NUBPL: variants seen among roughly 807,000 people sequenced by gnomAD.
The protein encoded by NUBPL is iron-sulfur cluster transfer protein NUBPL.
Under a neutral mutation model 45.7 loss-of-function variants are expected in NUBPL, and 31 were observed. That is an observed-to-expected ratio of 0.68 (90% CI 0.51 to 0.92). The LOEUF is 0.92. Among genes scored for constraint, NUBPL ranks in the 40% least tolerant of loss-of-function variants. The pLI, the probability that NUBPL is intolerant of heterozygous loss-of-function variation, is 0.00. For synonymous variants in NUBPL, 144 were observed against 140.9 expected (o/e 1.02, Z -0.15); for missense variants, 401 against 398.7 (o/e 1.01, Z -0.05).
intron 6 of NUBPL, among the ~76,000 whole-genome samples, chr14:31,772,203 T>C (rs987708581): frequency 6.6e-6 from 1 of 152,238 alleles, no homozygotes; most frequent in Admixed American, 6.5e-5. Flanking sequence ...TTATAAGCTA[T>C]TCCAAATTAG....
In NUBPL at chr14:31,680,077, A is replaced by G. The variant is rs191966420; in HGVS notation, c.513+6503A>G. 8.6e-3 allele frequency among the ~76,000 whole-genome samples: 1,302 copies of G among 152,230 alleles called. 19 individuals carry two copies. Among genetic ancestry groups the G allele is most frequent in the African/African-American group, 0.03 (1,244 of 41,558 alleles). ...AGAAACATATACTACTGATTTTTGT[A>G]CATTAACCTTGAATCCTGTGACTTT... is the stretch of plus-strand genomic sequence containing the variant. On this transcript the variant is annotated intron_variant, in intron 6 of 10. Coordinates refer to ENST00000281081, the MANE Select transcript of NUBPL (RefSeq NM_025152.3).
chr14:31,720,436 G>T (rs1319410056), intron 6 of NUBPL, among the ~76,000 whole-genome samples: 1 of 152,156 alleles, frequency 6.6e-6, no homozygotes, highest in Non-Finnish European at 1.5e-5. Flanking sequence ...CATTTGCCTG[G>T]TTTTCAAGGA....
chr14:31,825,738 C>T (rs1264504888), intron 7 of NUBPL, among the ~76,000 whole-genome samples: 2 of 149,526 alleles, frequency 1.3e-5, no homozygotes, highest in Non-Finnish European at 3.0e-5. Flanking sequence ...TCATCTTCTT[C>T]ATTGTCATCT....
At chr14:31,696,082 C>T (rs568980768) in intron 6 of NUBPL, among the ~76,000 whole-genome samples, 9 of 152,294 alleles carry the variant, frequency 5.9e-5, no homozygotes, top group African/African-American at 2.2e-4. Context: ...ACTGATATTT[C>T]ACTGCTTGTG....
intron 7 of NUBPL, among the ~76,000 whole-genome samples, chr14:31,816,153 C>A (rs926895063): frequency 4.6e-5 from 7 of 152,162 alleles, no homozygotes; most frequent in African/African-American, 1.7e-4. Context: ...AGCTGTGAAT[C>A]CATCTGATCC....
chr14:31,583,379 G>A (rs1188535392), intron 3 of NUBPL, among the ~76,000 whole-genome samples: 1 of 152,128 alleles, frequency 6.6e-6, no homozygotes, highest in Non-Finnish European at 1.5e-5. Context: ...TGTAAAGCAC[G>A]TTTATTAACT....
intron 4 of NUBPL, among the ~76,000 whole-genome samples, chr14:31,647,543 G>T (rs1214536778): frequency 4.6e-5 from 7 of 152,212 alleles, no homozygotes; most frequent in African/African-American, 7.2e-5. Context: ...CTGGCTAGGG[G>T]TTTGTGCACA....
At chr14:31,689,953 T>C (rs2139858952) in intron 6 of NUBPL, among the ~76,000 whole-genome samples, 1 of 151,478 alleles carries the variant, frequency 6.6e-6, no homozygotes, top group Admixed American at 6.6e-5. Flanking sequence ...TTGTCAGCAT[T>C]GTTAAAGATC....
chr14:31,638,006 G>A lies in NUBPL; in HGVS notation c.383-35349G>A, dbSNP rs574555271. 1.8e-4 allele frequency among the ~76,000 whole-genome samples: 27 copies of A among 152,224 alleles called. 1 individual carries two copies. The highest frequency in any genetic ancestry group is 5.8e-4 in the African/African-American group (24 of 41,520). ...TCTCTGCACGTGAGATGGATTTCCT[G>A]AATACAGCACACGGATGGGTCTTGA... On this transcript the variant is annotated intron_variant, in intron 4 of 10. Coordinates refer to ENST00000281081, the MANE Select transcript of NUBPL (RefSeq NM_025152.3).
intron 6 of NUBPL, among the ~76,000 whole-genome samples, chr14:31,687,887 A>G (rs1053026751): frequency 6.6e-6 from 1 of 152,178 alleles, no homozygotes; most frequent in Non-Finnish European, 1.5e-5. Flanking sequence ...GTTGCTTGCC[A>G]TTTCAAGATA....
chr14:31,667,509 T>G (rs1410382774), intron 4 of NUBPL, among the ~76,000 whole-genome samples: 1 of 152,030 alleles, frequency 6.6e-6, no homozygotes. Context: ...CTCCTTTAGC[T>G]CAAAGGAGTT....
chr14:31,567,772 C>G (rs555254304), intron 3 of NUBPL, among the ~76,000 whole-genome samples: 1 of 152,308 alleles, frequency 6.6e-6, no homozygotes, highest in African/African-American at 2.4e-5. Context: ...TGTTGACCAG[C>G]AGAATCAGCT....
intron 10 of NUBPL, among the ~76,000 whole-genome samples, chr14:31,856,700 C>A (rs2184304): frequency 0.19 from 29,441 of 152,204 alleles, 8,649 homozygotes; most frequent in African/African-American, 0.64. Flanking sequence ...TGCAAGTCTG[C>A]AATCTGGTGG....
intron 3 of NUBPL, among the ~76,000 whole-genome samples, chr14:31,590,292 C>T (rs1371669677): frequency 3.3e-5 from 5 of 152,104 alleles, no homozygotes; most frequent in Non-Finnish European, 2.9e-5. Context: ...TCTAACTTGG[C>T]TTTCACTAAT....
chr14:31,678,760 T>C (rs1417263857), intron 6 of NUBPL, among the ~76,000 whole-genome samples: 6 of 151,346 alleles, frequency 4.0e-5, no homozygotes, highest in Non-Finnish European at 8.8e-5. Flanking sequence ...GTTGGGGGAG[T>C]GTTGGTGCAT....
chr14:31,579,774 C>A (rs1242549122), intron 3 of NUBPL, among the ~76,000 whole-genome samples: 2 of 152,150 alleles, frequency 1.3e-5, no homozygotes, highest in African/African-American at 4.8e-5. Context: ...TTTGGCAGTC[C>A]CTCCTGTTCC....
intron 6 of NUBPL, among the ~76,000 whole-genome samples, chr14:31,687,000 C>T (rs1170647909): frequency 6.6e-6 from 1 of 152,152 alleles, no homozygotes. Context: ...AGTAGTCTTG[C>T]TATTTGGGAG....
At chr14:31,600,036 C>T (rs1008240651) in intron 4 of NUBPL, among the ~76,000 whole-genome samples, 2 of 151,504 alleles carry the variant, frequency 1.3e-5, no homozygotes, top group Non-Finnish European at 2.9e-5. Context: ...ATTCTCCTGC[C>T]TCAGCCTCCC....
At chr14:31,640,945 GT>G (rs1156246630) in intron 4 of NUBPL, among the ~76,000 whole-genome samples, 2 of 120,988 alleles carry the variant, frequency 1.7e-5, no homozygotes, top group African/African-American at 2.5e-5. Flanking sequence ...ATTTCTTTTT[GT>G]TTTTTTGTTT....
Sources: allele counts gnomAD v4.1 joint callset (sites outside exome capture counted in the v4.1 genomes callset), GRCh38; gene constraint gnomAD v4.1.1; transcripts MANE v1.5; gene names NCBI Gene and HGNC (gene_info 2026-07-23, HGNC 2026-07-21).